Variants in SGIP1 observed in about 807,000 individuals in gnomAD.
SGIP1 encodes SH3-containing GRB2-like protein 3-interacting protein 1.
In SGIP1, 38 loss-of-function variants were observed where a neutral mutation model predicts 107.5. The observed-to-expected ratio is 0.35, with a 90% confidence interval of 0.27 to 0.46. SGIP1 has a LOEUF of 0.46. Ranked by LOEUF, SGIP1 falls within the 20% of genes least tolerant of loss-of-function variation. The pLI is 1.00. For synonymous variants in SGIP1, 365 were observed against 366.1 expected, an observed-to-expected ratio of 1.00 and a Z score of 0.03; for missense variants, 929 against 1,019.5, an observed-to-expected ratio of 0.91 and a Z score of 1.21.
chr1:66,739,504 C>G lies in SGIP1; in HGVS notation c.2201C>G (p.Thr734Ser), dbSNP rs776037028. 2.5e-6 allele frequency: 4 copies of G among 1,614,078 alleles called. No individual in the cohort carries two copies. Among genetic ancestry groups the G allele is most frequent in the Non-Finnish European group, 3.4e-6 (4 of 1,180,026 alleles). The change falls in exon 22 of 25, where the codon ACC becomes AGC. Residue 734 changes from threonine to serine, a missense_variant. Transcript: ENST00000371037. ...CTGGTCCCCATCGACGGAGGAGTCA[C>G]CAAGCTCCAGGCAGTGCTCCCACCA... ...QFLVPIDGGV[T>S]KLQAVLPPAV...
chr1:66,543,693 T>TG (rs1294375996), intron 1 of SGIP1, among the ~76,000 whole-genome samples: 1 of 152,098 alleles, frequency 6.6e-6, no homozygotes, highest in African/African-American at 2.4e-5. Flanking sequence ...CAGTACAGTG[T>TG]GGGGGGAAGG....
At chr1:66,562,191 A>G (rs1301425702) in intron 1 of SGIP1, among the ~76,000 whole-genome samples, 1 of 152,002 alleles carries the variant, frequency 6.6e-6, no homozygotes, top group Non-Finnish European at 1.5e-5. Flanking sequence ...TATGACAGAC[A>G]GGGTAGACAT....
chr1:66,682,332 C>T lies in SGIP1; in HGVS notation c.1278C>T (p.Pro426=), dbSNP rs771506497. 3.9e-5 allele frequency: 63 copies of T among 1,613,978 alleles called. No homozygotes were observed. The South Asian group carries it at 4.3e-4, about 11-fold the overall frequency. ...CCTACAGGACTGTGGTTTCGTCCCC[C>T]GGACCTGGCTCGGGCCCTGGTCCGG... is the stretch of plus-strand genomic sequence containing the variant. ...PPTYRTVVSS[P]GPGSGPGPGT... Residue 426 remains proline (P), a synonymous_variant, in exon 15 of 25, where the codon CCC becomes CCT. Coordinates refer to ENST00000371037, the MANE Select transcript of SGIP1 (RefSeq NM_032291.4).
chr1:66,686,333 A>G (rs1052999043), intron 15 of SGIP1, among the ~76,000 whole-genome samples: 2 of 152,238 alleles, frequency 1.3e-5, no homozygotes, highest in African/African-American at 4.8e-5. Context: ...GTTGAGAACA[A>G]CAAATGGATT....
intron 5 of SGIP1, among the ~76,000 whole-genome samples, chr1:66,642,413 G>C (rs1239120744): frequency 6.6e-6 from 1 of 152,090 alleles, no homozygotes; most frequent in Non-Finnish European, 1.5e-5. Context: ...TTGGAACCCT[G>C]TCTAACACAG....
At chr1:66,740,595 C>T (rs2094418694) in intron 22 of SGIP1, 63 bp from the exon 23 acceptor site, 2 of 1,010,144 alleles carry the variant, frequency 2.0e-6, no homozygotes, top group Non-Finnish European at 3.0e-6. Context: ...GGAAAAAAAA[C>T]ATGGCATCCA....
Position 66,618,255 on chromosome 1 carries a change from C to T in SGIP1, c.11-7592C>T, listed in dbSNP as rs575388533. 3.3e-5 allele frequency among the ~76,000 whole-genome samples: 5 copies of T among 152,266 alleles called. No individual in the cohort carries two copies. The South Asian group carries it at 6.2e-4, about 19-fold the overall frequency. On this transcript the variant is annotated intron_variant, in intron 1 of 24. Transcript: ENST00000371037. The stretch of plus-strand genomic sequence containing the variant: ...TCACTCTGAGTCCCTGCTCTCTGGC[C>T]GAAGGCCTGTGTACTCAGATTGGTC...
At position 66,743,990 on chromosome 1, in the gene SGIP1, A is replaced by C. The variant is rs1289745118; in HGVS notation, c.*895A>C. On this transcript the variant is annotated 3_prime_UTR_variant, in exon 25 of 25. Transcript: ENST00000371037. ...ATTTTAAGATTTCAAGACTTTCCGTAGTTGAACTGGTTAAGAATTTTTGCT... is the reference window on the plus strand; with the variant it reads ...ATTTTAAGATTTCAAGACTTTCCGTCGTTGAACTGGTTAAGAATTTTTGCT... The C allele has an allele frequency of 1.3e-5, 2 of 152,216 alleles. No individual in the cohort carries two copies. The highest frequency in any genetic ancestry group is 2.9e-5 in the Non-Finnish European group (2 of 68,004). 9.4% of individuals were successfully genotyped at this position (152,216 alleles called of 1,614,324 possible). A position where few individuals can be genotyped will look rare whatever the true frequency, so the allele number is the denominator to read the frequency against.
chr1:66,731,615 G>A (rs914158104), intron 20 of SGIP1, among the ~76,000 whole-genome samples: 8 of 152,020 alleles, frequency 5.3e-5, no homozygotes, highest in African/African-American at 1.9e-4. Flanking sequence ...GCTGTGATGA[G>A]TGACCCTTTA....
intron 1 of SGIP1, among the ~76,000 whole-genome samples, chr1:66,589,184 AT>A (rs2063167275): frequency 2.1e-5 from 1 of 46,806 alleles, no homozygotes; most frequent in African/African-American, 1.2e-4. Context: ...ATATATATAT[AT>A]ATATATATAT....
chr1:66,742,802 C>G (rs1455631137), intron 24 of SGIP1, among the ~76,000 whole-genome samples: 1 of 152,168 alleles, frequency 6.6e-6, no homozygotes, highest in Non-Finnish European at 1.5e-5. Context: ...GTTGGATTCT[C>G]ACATCCAGAA....
At chr1:66,679,808 G>T (rs377137871) in intron 14 of SGIP1, 56 bp downstream of exon 14, 2 of 1,442,856 alleles carry the variant, frequency 1.4e-6, no homozygotes, top group Non-Finnish European at 1.9e-6. Flanking sequence ...CAGTGGCCCC[G>T]GATGAACATG....
intron 1 of SGIP1, among the ~76,000 whole-genome samples, chr1:66,602,425 A>G (rs1394774515): frequency 6.6e-6 from 1 of 152,148 alleles, no homozygotes; most frequent in Non-Finnish European, 1.5e-5. Flanking sequence ...ACATGTGACC[A>G]TGATGGGTAA....
intron 1 of SGIP1, among the ~76,000 whole-genome samples, chr1:66,559,416 A>G (rs1389216296): frequency 3.9e-5 from 6 of 152,112 alleles, no homozygotes; most frequent in Non-Finnish European, 8.8e-5. Context: ...ACACACACCT[A>G]CATAAGCACA....
chr1:66,578,052 C>T (rs1405523524), intron 1 of SGIP1, among the ~76,000 whole-genome samples: 2 of 151,978 alleles, frequency 1.3e-5, no homozygotes, highest in Non-Finnish European at 2.9e-5. Flanking sequence ...AAAAATTTAC[C>T]TCTTGCAGAG....
intron 1 of SGIP1, among the ~76,000 whole-genome samples, chr1:66,553,330 C>T (rs895612363): frequency 6.6e-6 from 1 of 152,090 alleles, no homozygotes; most frequent in African/African-American, 2.4e-5. Context: ...TGCTCACTGC[C>T]TCTTGTTATA....
Position 66,682,290 on chromosome 1 carries a change from T to TC in SGIP1, c.1241dup (p.Pro415ThrfsTer72). Reference sequence around the variant, plus strand: ...GGTTGGGACAAAGAGCAACTCCACCTCCCCCACCACCACCCACCTACAGGA... The same window carrying TC: ...GGTTGGGACAAAGAGCAACTCCACCTCCCCCCACCACCACCCACCTACAGGA... On this transcript the variant is annotated frameshift_variant, in exon 15 of 25. Transcript: ENST00000371037. LOFTEE classifies it high-confidence loss of function. The TC allele has an allele frequency of 6.2e-7, 1 of 1,614,044 alleles. No individual in the cohort carries two copies. Among genetic ancestry groups the TC allele is most frequent in the Non-Finnish European group, 8.5e-7 (1 of 1,179,958 alleles).
At chr1:66,618,610 A>T (rs1170549104) in intron 1 of SGIP1, among the ~76,000 whole-genome samples, 1 of 152,188 alleles carries the variant, frequency 6.6e-6, no homozygotes, top group African/African-American at 2.4e-5. Context: ...AAACTTACTC[A>T]CTTTGAGTCT....
intron 18 of SGIP1, among the ~76,000 whole-genome samples, chr1:66,700,614 G>A (rs1007127550): frequency 5.4e-5 from 8 of 149,074 alleles, no homozygotes; most frequent in Admixed American, 1.4e-4. Flanking sequence ...CAATACATGT[G>A]TACTATGTAT....
Sources: allele counts gnomAD v4.1 joint callset (sites outside exome capture counted in the v4.1 genomes callset), GRCh38; gene constraint gnomAD v4.1.1; transcripts MANE v1.5; gene names NCBI Gene and HGNC (gene_info 2026-07-23, HGNC 2026-07-21).